The following CSMD1 variants were observed in gnomAD, a reference collection of about 807,000 sequenced individuals.
CSMD1 encodes CUB and Sushi multiple domains 1, also known as CUB and sushi domain-containing protein 1.
CSMD1 carries 213 observed loss-of-function variants against 417.5 expected under a neutral mutation model. The ratio of observed to expected loss-of-function variants is 0.51; its 90% CI spans 0.46 to 0.57. CSMD1 has a LOEUF of 0.57. CSMD1 is among the 20% of genes least tolerant of loss of function. CSMD1 has a pLI of 0.00. For missense variants in CSMD1, 6,923 were observed against 4,529.7 expected (o/e 1.53, Z -15.17); for synonymous variants, 2,862 against 1,736.8 (o/e 1.65, Z -16.11).
intron 3 of CSMD1, among the ~76,000 whole-genome samples, chr8:4,142,777 C>G (rs1331065205): frequency 2.0e-5 from 3 of 151,042 alleles, no homozygotes; most frequent in African/African-American, 7.4e-5. Flanking sequence ...TAGTGCAAAA[C>G]AGGCTTCAAC....
intron 26 of CSMD1, among the ~76,000 whole-genome samples, chr8:3,249,787 A>G (rs1054355871): frequency 2.0e-5 from 3 of 152,202 alleles, no homozygotes; most frequent in South Asian, 2.1e-4. Context: ...TTCCATGTCT[A>G]AACTTCATTA....
chr8:3,218,516 A>G (rs2116842818), intron 29 of CSMD1, among the ~76,000 whole-genome samples: 1 of 148,476 alleles, frequency 6.7e-6, no homozygotes, highest in East Asian at 2.0e-4. Context: ...AGCTGAGATC[A>G]CACTGCAGCA....
At chr8:3,397,301 C>G (rs1811763226) in intron 16 of CSMD1, among the ~76,000 whole-genome samples, 1 of 152,176 alleles carries the variant, frequency 6.6e-6, no homozygotes, top group South Asian at 2.1e-4. Flanking sequence ...CTGGATGTTG[C>G]TGATGAATTG....
intron 1 of CSMD1, among the ~76,000 whole-genome samples, chr8:4,747,758 A>C (rs1354266543): frequency 6.6e-6 from 1 of 152,126 alleles, no homozygotes; most frequent in African/African-American, 2.4e-5. Flanking sequence ...AGCACATCGA[A>C]TACTGTGTAA....
At chr8:4,076,639 G>C (rs139114833) in intron 3 of CSMD1, among the ~76,000 whole-genome samples, 3 of 152,048 alleles carry the variant, frequency 2.0e-5, no homozygotes, top group Non-Finnish European at 4.4e-5. Context: ...TTATTATAAG[G>C]ATTATTCTCT....
intron 2 of CSMD1, among the ~76,000 whole-genome samples, chr8:4,440,577 C>G (rs536311260): frequency 4.6e-5 from 7 of 152,146 alleles, no homozygotes; most frequent in Non-Finnish European, 1.0e-4. Flanking sequence ...TTCAAAGATG[C>G]AAAACCAACT....
At chr8:4,408,819 G>A (rs991917661) in intron 3 of CSMD1, among the ~76,000 whole-genome samples, 2 of 152,098 alleles carry the variant, frequency 1.3e-5, no homozygotes, top group African/African-American at 4.8e-5. Flanking sequence ...CACAATAAAG[G>A]GGGAAACCTT....
chr8:4,557,220 A>G (rs1437118815), intron 2 of CSMD1, among the ~76,000 whole-genome samples: 1 of 152,172 alleles, frequency 6.6e-6, no homozygotes, highest in African/African-American at 2.4e-5. Flanking sequence ...CTGCTACCAG[A>G]CAGCTACCCT....
intron 1 of CSMD1, among the ~76,000 whole-genome samples, chr8:4,828,097 C>CT (rs1799939180): frequency 2.0e-5 from 3 of 151,974 alleles, no homozygotes; most frequent in Admixed American, 6.6e-5. Context: ...TCTTTTTTGA[C>CT]AAAGGTATAC....
At chr8:3,564,780 G>T (rs866916268) in intron 10 of CSMD1, among the ~76,000 whole-genome samples, 2 of 152,054 alleles carry the variant, frequency 1.3e-5, no homozygotes, top group East Asian at 3.9e-4. Context: ...GATCTTGAAA[G>T]GGGTGATGAC....
intron 3 of CSMD1, among the ~76,000 whole-genome samples, chr8:4,042,784 G>A (rs900692170): frequency 7.9e-6 from 1 of 127,306 alleles, no homozygotes; most frequent in African/African-American, 3.0e-5. Flanking sequence ...CTGTATCTTC[G>A]CTATACAATA....
At chr8:3,086,295 AAAT>A (rs1293451834) in intron 49 of CSMD1, among the ~76,000 whole-genome samples, 2 of 152,320 alleles carry the variant, frequency 1.3e-5, no homozygotes, top group African/African-American at 2.4e-5. Context: ...GGTAAAACAT[AAAT>A]AATACAGTAG....
At chr8:3,412,486 C>T (rs903350349) in intron 12 of CSMD1, among the ~76,000 whole-genome samples, 1 of 152,098 alleles carries the variant, frequency 6.6e-6, no homozygotes, top group Non-Finnish European at 1.5e-5. Flanking sequence ...AACTTTACTT[C>T]TAAGTGTCTG....
chr8:4,373,912 T>G (rs551275796), intron 3 of CSMD1, among the ~76,000 whole-genome samples: 60 of 152,292 alleles, frequency 3.9e-4, no homozygotes, highest in Admixed American at 2.9e-3. Flanking sequence ...AAAATGAAAA[T>G]TTCCCCTTTC....
chr8:4,334,843 A>C (rs1431681191), intron 3 of CSMD1, among the ~76,000 whole-genome samples: 1 of 152,008 alleles, frequency 6.6e-6, no homozygotes, highest in East Asian at 1.9e-4. Flanking sequence ...AAAGACATTT[A>C]TTTCTCATTG....
chr8:3,394,466 C>G (rs1216823063), intron 17 of CSMD1, among the ~76,000 whole-genome samples: 1 of 152,052 alleles, frequency 6.6e-6, no homozygotes, highest in Non-Finnish European at 1.5e-5. Context: ...GGAACACATT[C>G]CCTCAAATGG....
Position 2,955,783 on chromosome 8 carries a change from G to C in CSMD1, c.9815-15C>G, listed in dbSNP as rs1051891497. ...GCAGGCATGAGCTGAAACAACATTA[G>C]GAAACATTGAGACTTTGTTTATTGT... On this transcript the variant is annotated splice_polypyrimidine_tract_variant and intron_variant, in intron 63 of 69. Transcript: ENST00000635120. 1.9e-6 allele frequency: 3 copies of C among 1,609,720 alleles called. No individual in the cohort carries two copies. Among genetic ancestry groups the C allele is most frequent in the Non-Finnish European group, 8.5e-7 (1 of 1,177,626 alleles).
At chr8:4,989,918 G>A (rs1811374191) in intron 1 of CSMD1, among the ~76,000 whole-genome samples, 5 of 152,204 alleles carry the variant, frequency 3.3e-5, no homozygotes, top group Admixed American at 3.3e-4. Context: ...ATAAACTGGA[G>A]AGTAAGGAAG....
intron 5 of CSMD1, among the ~76,000 whole-genome samples, chr8:3,883,745 G>C (rs1291933444): frequency 6.6e-6 from 1 of 151,976 alleles, no homozygotes. Flanking sequence ...TGAAACAACT[G>C]AAACCAGTCA....
Sources: gnomAD v4.1 joint callset for allele counts (sites outside exome capture counted in the v4.1 genomes callset) on GRCh38, gnomAD v4.1.1 for gene constraint, MANE v1.5 for transcripts, NCBI Gene and HGNC (gene_info 2026-07-23, HGNC 2026-07-21) for gene names.